The following TMEM178B variants were observed in gnomAD, a reference collection of about 807,000 sequenced individuals.
TMEM178B encodes transmembrane protein 178B.
A neutral mutation model predicts 31.0 loss-of-function variants in TMEM178B; 5 were observed. That is an observed-to-expected ratio of 0.16 (90% confidence interval 0.08 to 0.34). TMEM178B has a LOEUF of 0.34. Ranked by LOEUF, TMEM178B falls within the 10% of genes least tolerant of loss-of-function variation. TMEM178B has a pLI of 1.00. For missense variants in TMEM178B, 275 were observed against 400.3 expected, an observed-to-expected ratio of 0.69 and a Z score of 2.67; for synonymous variants, 164 against 164.0, an observed-to-expected ratio of 1.00 and a Z score of 0.00.
At chr7:141,247,099 A>G (rs1232506145) in intron 2 of TMEM178B, among the ~76,000 whole-genome samples, 3 of 152,040 alleles carry the variant, frequency 2.0e-5, no homozygotes, top group African/African-American at 7.3e-5. Flanking sequence ...GTACATATGT[A>G]TAAATCTTTC....
rs556083459 is a variant in TMEM178B, at chr7:141,201,103, G to A, written c.383-11488G>A. 1.5e-4 allele frequency among the ~76,000 whole-genome samples: 23 copies of A among 152,248 alleles called. No homozygotes were observed. The East Asian group carries it at 2.9e-3, about 19-fold the overall frequency. On this transcript the variant is annotated intron_variant, in intron 1 of 3. Coordinates refer to ENST00000565468, the MANE Select transcript of TMEM178B (RefSeq NM_001195278.2). ...GAAAAATGAGAAAGGACAACTTCCC[G>A]TGCACATGAAGGGGCAGAGTTGGCT...
chr7:141,375,561 C>T (rs571172606), intron 2 of TMEM178B, among the ~76,000 whole-genome samples: 7 of 152,282 alleles, frequency 4.6e-5, no homozygotes, highest in Non-Finnish European at 1.0e-4. Flanking sequence ...AGTAGGTAAT[C>T]GTTGTGTTCC....
At chr7:141,279,039 C>T (rs1300433432) in intron 2 of TMEM178B, among the ~76,000 whole-genome samples, 4 of 152,160 alleles carry the variant, frequency 2.6e-5, no homozygotes, top group African/African-American at 9.7e-5. Flanking sequence ...TATGTAACCT[C>T]AAAATGTCTG....
At chr7:141,230,013 G>A (rs1797415419) in intron 2 of TMEM178B, among the ~76,000 whole-genome samples, 1 of 152,042 alleles carries the variant, frequency 6.6e-6, no homozygotes, top group African/African-American at 2.4e-5. Flanking sequence ...TCTATGATAA[G>A]CATTTTCCCT....
intron 1 of TMEM178B, among the ~76,000 whole-genome samples, chr7:141,092,731 C>G (rs112669392): frequency 9.9e-5 from 15 of 151,954 alleles, no homozygotes; most frequent in African/African-American, 3.6e-4. Context: ...TTAGATAAAG[C>G]TTAGTGCTAA....
At chr7:141,160,129 T>C (rs1328970149) in intron 1 of TMEM178B, among the ~76,000 whole-genome samples, 1 of 151,642 alleles carries the variant, frequency 6.6e-6, no homozygotes, top group Non-Finnish European at 1.5e-5. Flanking sequence ...TTAGTGGTGA[T>C]TTCTGAAATT....
chr7:141,270,414 A>G (rs1456917445), intron 2 of TMEM178B, among the ~76,000 whole-genome samples: 1 of 152,094 alleles, frequency 6.6e-6, no homozygotes. Context: ...CTGCCGAGGG[A>G]CAATAAGAAG....
chr7:141,215,101 T>A (rs1008722945), intron 2 of TMEM178B, among the ~76,000 whole-genome samples: 1 of 152,148 alleles, frequency 6.6e-6, no homozygotes, highest in Non-Finnish European at 1.5e-5. Context: ...AAGTGTCGAT[T>A]TTAATTTTTA....
At chr7:141,197,768 A>AT (rs1796808122) in intron 1 of TMEM178B, among the ~76,000 whole-genome samples, 2 of 152,018 alleles carry the variant, frequency 1.3e-5, no homozygotes, top group Non-Finnish European at 2.9e-5. Flanking sequence ...AAGTAGCTGG[A>AT]TTATAGGCAT....
At position 141,471,781 on chromosome 7, in the gene TMEM178B, CGTGTGTGT is replaced by C. The variant is rs71948091; in HGVS notation, c.*1025_*1032del. On this transcript the variant is annotated 3_prime_UTR_variant, in exon 4 of 4. Transcript: ENST00000565468. This position sits in a 1 kb window ranked among gnomAD's most constrained non-coding sequence, Gnocchi z 4.1. The stretch of plus-strand genomic sequence containing the variant: ...AGATCCCTGGAGTGGTGTGTGTGTG[CGTGTGTGT>C]GTGTGTGTGTGTGTGTGTGTGTGTG... 0.025 allele frequency: 3,570 copies of C among 142,586 alleles called. 145 individuals are homozygous for C. The highest frequency in any genetic ancestry group is 0.084 in the Admixed American group (1,214 of 14,390). 8.8% of individuals were successfully genotyped at this position (142,586 alleles called of 1,614,324 possible).
At chr7:141,214,278 A>G (rs763216860) in intron 2 of TMEM178B, among the ~76,000 whole-genome samples, 18 of 152,188 alleles carry the variant, frequency 1.2e-4, no homozygotes, top group Non-Finnish European at 2.5e-4. Flanking sequence ...AGAATCTAAG[A>G]AGGAAGAAAT....
At position 141,446,245 on chromosome 7, in the gene TMEM178B, C is replaced by A. The variant is rs554054419; in HGVS notation, c.634+8500C>A. 2.6e-4 allele frequency among the ~76,000 whole-genome samples: 40 copies of A among 152,276 alleles called. No individual in the cohort carries two copies. The South Asian group carries it at 3.1e-3, about 12-fold the overall frequency. On this transcript the variant is annotated intron_variant, in intron 3 of 3. Coordinates refer to ENST00000565468, the MANE Select transcript of TMEM178B (RefSeq NM_001195278.2). ...GTTTCACCTTTGCCACCCAATGGGA[C>A]CTACCCCTTCTACAGATGTGGGGTT...
At chr7:141,418,225 CCCT>C (rs1472908288) in intron 2 of TMEM178B, among the ~76,000 whole-genome samples, 1 of 152,184 alleles carries the variant, frequency 6.6e-6, no homozygotes, top group Non-Finnish European at 1.5e-5. Context: ...TGCTCCATTT[CCCT>C]CCTCTTCTCT....
At chr7:141,506,562 C>A in the TMEM178B span, among the ~76,000 whole-genome samples, 2 of 152,156 alleles carry the variant, frequency 1.3e-5, no homozygotes, top group African/African-American at 4.8e-5. Context: ...GATTTAATTA[C>A]CTCCCTCTCG....
At chr7:141,126,273 G>A (rs753585331) in intron 1 of TMEM178B, among the ~76,000 whole-genome samples, 7 of 152,180 alleles carry the variant, frequency 4.6e-5, no homozygotes, top group Non-Finnish European at 1.0e-4. Context: ...CACTGTCCTG[G>A]CATGCTGGGA....
intron 2 of TMEM178B, among the ~76,000 whole-genome samples, chr7:141,421,045 C>T (rs1211020979): frequency 1.3e-5 from 2 of 152,140 alleles, no homozygotes; most frequent in Admixed American, 6.5e-5. Flanking sequence ...GGCTATCTCC[C>T]GTTCCCAGGA....
rs1796848313 is a variant in TMEM178B at position 141,199,912 on chromosome 7, G to A, written c.383-12679G>A. Among the ~76,000 whole-genome samples, 3 of 152,042 alleles carry A rather than the reference G, an allele frequency of 2.0e-5. No individual in the cohort carries two copies. In the South Asian group the frequency reaches 6.2e-4, roughly 32 times the overall value. ...TAAAAATACAAAAAATTAGCTGGGC[G>A]TAGTGGCGGGTGCCTATAGTCCCAG... On this transcript the variant is annotated intron_variant, in intron 1 of 3. Transcript: ENST00000565468.
chr7:141,486,812 A>G, the TMEM178B span, among the ~76,000 whole-genome samples: 2 of 152,178 alleles, frequency 1.3e-5, no homozygotes, highest in Non-Finnish European at 2.9e-5. Context: ...CATGTGGGGT[A>G]GGGAGAGACC....
At chr7:141,157,190 G>T (rs979909170) in intron 1 of TMEM178B, among the ~76,000 whole-genome samples, 6 of 152,088 alleles carry the variant, frequency 3.9e-5, no homozygotes, top group African/African-American at 1.4e-4. Flanking sequence ...GACAGACCTG[G>T]GACGGGGATG....
Sources: gnomAD v4.1 joint callset for allele counts (sites outside exome capture counted in the v4.1 genomes callset) on GRCh38, gnomAD v4.1.1 for gene constraint, Gnocchi (gnomAD v3.1) non-coding constraint, MANE v1.5 for transcripts, NCBI Gene and HGNC (gene_info 2026-07-23, HGNC 2026-07-21) for gene names.